Variants in ZNF546 observed in about 807,000 individuals in gnomAD.
The protein encoded by ZNF546 is CTC-471F3.6.
Under a neutral mutation model 76.2 loss-of-function variants are expected in ZNF546, and 60 were observed. The ratio of observed to expected loss-of-function variants is 0.79; its 90% CI spans 0.64 to 0.98. ZNF546 has a LOEUF of 0.98. Among genes scored for constraint, ZNF546 ranks in the 50% least tolerant of loss-of-function variants. The pLI, the probability that ZNF546 is intolerant of heterozygous loss-of-function variation, is 0.00. For missense variants in ZNF546, 936 were observed against 1,035.6 expected (o/e 0.90, Z 1.32); for synonymous variants, 277 against 328.1 (o/e 0.84, Z 1.68).
rs563562676 is a variant in ZNF546 at position 40,010,880 on chromosome 19, AC to A, written c.394+2317del. On this transcript the variant is annotated intron_variant, in intron 6 of 6. Coordinates refer to ENST00000347077, the MANE Select transcript of ZNF546 (RefSeq NM_178544.5). ...GTATTTTTAGTAGAGATGGGGTTTC[AC>A]CACATTGGCCAGGCTGGTCTCGAAC... Among the ~76,000 whole-genome samples the A allele has an allele frequency of 3.3e-3, 496 of 152,164 alleles. 5 individuals carry two copies. Among genetic ancestry groups the A allele is most frequent in the Admixed American group, 0.01 (156 of 15,290 alleles).
chr19:40,013,242 T>C (rs923779493), intron 6 of ZNF546, among the ~76,000 whole-genome samples: 13 of 152,236 alleles, frequency 8.5e-5, no homozygotes, highest in African/African-American at 2.9e-4. Flanking sequence ...AATAGCTCAC[T>C]GCCTGTTTTT....
In ZNF546 at chr19:39,998,262, G is replaced by A; in HGVS notation, c.-65G>A. On this transcript the variant is annotated 5_prime_UTR_variant, in exon 3 of 7. Coordinates refer to ENST00000347077, the MANE Select transcript of ZNF546 (RefSeq NM_178544.5). ...TTTGTTTTTAGGAAATGGAAACATT[G>A]CTTTGCTTTTCCTGAATTGTCCAGT... 7.9e-7 allele frequency: 1 copy of A among 1,272,006 alleles called. No homozygotes were observed. Among genetic ancestry groups the A allele is most frequent in the Non-Finnish European group, 1.1e-6 (1 of 882,956 alleles). 78.8% of individuals were successfully genotyped at this position (1,272,006 alleles called of 1,614,324 possible). A position where few individuals can be genotyped will look rare whatever the true frequency, so the allele number is the denominator to read the frequency against.
rs142224274 is a variant in ZNF546, at chr19:40,011,789, T to G, written c.395-1876T>G. On this transcript the variant is annotated intron_variant, in intron 6 of 6. Coordinates refer to ENST00000347077, the MANE Select transcript of ZNF546 (RefSeq NM_178544.5). The stretch of plus-strand genomic sequence containing the variant: ...AAAGAATAGTAGTTACTGGCCATTC[T>G]TGGCATTCCTTGGCTTGCAGACGCA... Among the ~76,000 whole-genome samples the G allele has an allele frequency of 6.6e-4, 101 of 152,380 alleles. 1 individual carries two copies. In the East Asian group the frequency reaches 0.013, roughly 20 times the overall value.
At chr19:40,004,549 G>A (rs1347432751) in intron 3 of ZNF546, among the ~76,000 whole-genome samples, 1 of 152,238 alleles carries the variant, frequency 6.6e-6, no homozygotes, top group East Asian at 1.9e-4. Context: ...GATTACAGGC[G>A]TGAGCCACCG....
At position 40,007,363 on chromosome 19, in the gene ZNF546, T is replaced by A; in HGVS notation, c.261T>A (p.Asp87Glu). ...CTGTGCAGAGGGACTTGTACAAGGA[T>A]GTGATGTTGGAGAACTACAGCAACC... Reference protein sequence around the residue: ...LDAVQRDLYKDVMLENYSNLV... With the variant: ...LDAVQRDLYKEVMLENYSNLV... Residue 87 changes from aspartate to glutamate, a missense_variant, in exon 5 of 7, where the codon GAT (aspartate) becomes GAA (glutamate). Transcript: ENST00000347077. 1.9e-6 allele frequency: 3 copies of A among 1,603,020 alleles called. No individual in the cohort carries two copies. Among genetic ancestry groups the A allele is most frequent in the South Asian group, 2.2e-5 (2 of 89,462 alleles).
At chr19:40,011,704 T>C (rs1971673944) in intron 6 of ZNF546, among the ~76,000 whole-genome samples, 1 of 152,252 alleles carries the variant, frequency 6.6e-6, no homozygotes, top group African/African-American at 2.4e-5. Flanking sequence ...GTATCTTTCA[T>C]GTACACAAAT....
At position 40,014,795 on chromosome 19, in the gene ZNF546, C is replaced by A. The variant is rs552529630; in HGVS notation, c.1525C>A (p.Arg509Ser). 6.2e-6 allele frequency: 10 copies of A among 1,613,556 alleles called. No homozygotes were observed. In the African/African-American group the frequency reaches 1.3e-4, roughly 22 times the overall value. Residue 509 changes from arginine (R) to serine (S), a missense_variant, in exon 7 of 7, where the codon CGC (arginine) becomes AGC (serine). Coordinates refer to ENST00000347077, the MANE Select transcript of ZNF546 (RefSeq NM_178544.5). ...GGAATGTGGAAAAACCTTCAGTAGT[C>A]GCTATCATCTCACTCAACACTACAG... is the stretch of plus-strand genomic sequence containing the variant. ...CKECGKTFSS[R>S]YHLTQHYRIH...
chr19:40,002,927 T>A (rs1971547837), intron 3 of ZNF546, among the ~76,000 whole-genome samples: 1 of 152,120 alleles, frequency 6.6e-6, no homozygotes, highest in Admixed American at 6.5e-5. Context: ...CTCAAACTCC[T>A]GACCTCAAAA....
chr19:40,014,349 A>G lies in ZNF546; in HGVS notation c.1079A>G (p.Lys360Arg). The G allele has an allele frequency of 6.2e-7, 1 of 1,613,962 alleles. No individual in the cohort carries two copies. The highest frequency in any genetic ancestry group is 8.5e-7 in the Non-Finnish European group (1 of 1,179,968). Reference sequence around the variant, plus strand: ...ACTGGTGAGAGGCCTTATGAATGTAAGGTTTGTGGCAAGACCTTTAGGGTA... The same window carrying G: ...ACTGGTGAGAGGCCTTATGAATGTAGGGTTTGTGGCAAGACCTTTAGGGTA... The part of the protein sequence containing the change: ...IHTGERPYEC[K>R]VCGKTFRVQR... The change falls in exon 7 of 7, where the codon AAG (lysine) becomes AGG (arginine). Residue 360 changes from lysine to arginine, a missense_variant. By Grantham distance (26) the Lys-to-Arg change is conservative. Transcript: ENST00000347077.
At position 40,006,116 on chromosome 19, in the gene ZNF546, G is replaced by A. The variant is rs761643137; in HGVS notation, c.105G>A (p.Leu35=). 3.7e-6 allele frequency: 6 copies of A among 1,613,912 alleles called. No homozygotes were observed. In the South Asian group the frequency reaches 6.6e-5, roughly 18 times the overall value. The change falls in exon 4 of 7, where the codon CTG becomes CTA. Residue 35 remains leucine (L), a synonymous_variant. Transcript: ENST00000347077. ...LSIMPRFLWI[L]CFSMEETQGE... is the part of the protein sequence containing the mutation. Reference sequence around the variant, plus strand: ...CCCAGCCCCGGTTTCTCTGGATTCTGTGCTTCTCCATGGAGGAAACTCAAG... The same window carrying A: ...CCCAGCCCCGGTTTCTCTGGATTCTATGCTTCTCCATGGAGGAAACTCAAG...
intron 3 of ZNF546, chr19:39,998,681 G>A: frequency 4.8e-6 from 2 of 416,884 alleles, no homozygotes; most frequent in South Asian, 7.7e-5. Context: ...AGGAATCCAT[G>A]AGTTGAGATT....
rs767493893 is a variant in ZNF546, at chr19:40,015,326, G to A, written c.2056G>A (p.Gly686Ser). Residue 686 changes from glycine (G) to serine (S), a missense_variant, in exon 7 of 7, where the codon GGC (glycine) becomes AGC (serine). By Grantham distance (56) the Gly-to-Ser change is moderately conservative. Coordinates refer to ENST00000347077, the MANE Select transcript of ZNF546 (RefSeq NM_178544.5). ...CTATCATCTTACTCAACATCACAGA[G>A]GCCATACTGGTGAGAAGCCCTACAT... ...RHYHLTQHHR[G>S]HTGEKPYICN... The A allele has an allele frequency of 6.2e-7, 1 of 1,613,018 alleles. No homozygotes were observed. Among genetic ancestry groups the A allele is most frequent in the Admixed American group, 1.7e-5 (1 of 59,940 alleles).
chr19:40,005,991 G>T, intron 3 of ZNF546, 105 bp from the exon 4 acceptor site: 1 of 963,424 alleles, frequency 1.0e-6, no homozygotes, highest in South Asian at 1.4e-5. Context: ...GCAGAATGGT[G>T]GGGTTGGAAG....
intron 4 of ZNF546, 141 bp from the exon 5 acceptor site, chr19:40,007,133 T>C: frequency 1.9e-6 from 1 of 517,694 alleles, no homozygotes; most frequent in Non-Finnish European, 3.1e-6. Context: ...TTCAGAAATA[T>C]TAATTTCTTT....
chr19:40,008,727 T>A (rs1971637265), intron 6 of ZNF546, among the ~76,000 whole-genome samples, 162 bp downstream of exon 6: 1 of 152,214 alleles, frequency 6.6e-6, no homozygotes, highest in Non-Finnish European at 1.5e-5. Context: ...CTCTCTACAT[T>A]AGCTACCAAA....
At chr19:40,011,956 A>G (rs1287869121) in intron 6 of ZNF546, among the ~76,000 whole-genome samples, 1 of 152,188 alleles carries the variant, frequency 6.6e-6, no homozygotes, top group East Asian at 1.9e-4. Context: ...GGAGTTAGGA[A>G]CATGTCTTTT....
chr19:40,006,162 G>T lies in ZNF546; in HGVS notation c.151G>T (p.Gly51Cys). 4 of 1,613,458 alleles carry T rather than the reference G, an allele frequency of 2.5e-6. No individual in the cohort carries two copies. Among genetic ancestry groups the T allele is most frequent in the Non-Finnish European group, 3.4e-6 (4 of 1,179,712 alleles). Residue 51 changes from glycine (G) to cysteine (C), a missense_variant, in exon 4 of 7, where the codon GGT becomes TGT. By Grantham distance (159) the Gly-to-Cys change is radical. Coordinates refer to ENST00000347077, the MANE Select transcript of ZNF546 (RefSeq NM_178544.5). ...ETQGELTSSC[G>C]SKTMANVSLA... ...TCAAGGAGAACTGACAAGTTCTTGT[G>T]GTTCTAAAACCATGGCCAATGTAAG...
In ZNF546 at chr19:40,014,327, G is replaced by A. The variant is rs971742984; in HGVS notation, c.1057G>A (p.Gly353Ser). Residue 353 changes from glycine to serine, a missense_variant, in exon 7 of 7, where the codon GGT becomes AGT. Physicochemically the swap from Gly to Ser is moderately conservative, Grantham distance 56. Coordinates refer to ENST00000347077, the MANE Select transcript of ZNF546 (RefSeq NM_178544.5). ...QLTEHQRIHT[G>S]ERPYECKVCG... is the part of the protein sequence containing the mutation. ...AACTGAACATCAAAGAATTCATACT[G>A]GTGAGAGGCCTTATGAATGTAAGGT... 3 of 1,613,982 alleles carry A rather than the reference G, an allele frequency of 1.9e-6. No homozygotes were observed. Among genetic ancestry groups the A allele is most frequent in the Non-Finnish European group, 2.5e-6 (3 of 1,179,984 alleles).
At chr19:40,006,851 CT>C (rs1279989327) in intron 4 of ZNF546, among the ~76,000 whole-genome samples, 1 of 152,128 alleles carries the variant, frequency 6.6e-6, no homozygotes, top group African/African-American at 2.4e-5. Context: ...TAACTGAAGA[CT>C]TTTCTTATGA....
Sources: gnomAD v4.1 joint callset for allele counts (sites outside exome capture counted in the v4.1 genomes callset) on GRCh38, gnomAD v4.1.1 for gene constraint, MANE v1.5 for transcripts, NCBI Gene and HGNC (gene_info 2026-07-23, HGNC 2026-07-21) for gene names.